Variants in GNL3L observed in about 807,000 individuals in gnomAD.
GNL3L encodes G protein nucleolar 3 like.
Under a neutral mutation model 42.9 loss-of-function variants are expected in GNL3L, and 4 were observed. That is an observed-to-expected ratio of 0.09 (90% CI 0.05 to 0.21). The LOEUF (loss-of-function observed/expected upper bound fraction) is 0.21, where lower values mean the gene tolerates loss of function less well. Among genes scored for constraint, GNL3L ranks in the 10% least tolerant of loss-of-function variants. The pLI is 1.00. For synonymous variants in GNL3L, 159 were observed against 176.3 expected, an observed-to-expected ratio of 0.90 and a Z score of 0.78; for missense variants, 412 against 481.7, an observed-to-expected ratio of 0.86 and a Z score of 1.36.
chrX:54,617,189 T>C (rs1435012132), intron 16 of GNL3L, among the ~76,000 whole-genome samples: 1 of 112,029 alleles, frequency 8.9e-6, no homozygotes, highest in Non-Finnish European at 1.9e-5. Context: ...AATTATCCCT[T>C]TCTTTTCAGA....
chrX:54,550,539 C>A (rs1392262703), intron 9 of GNL3L, among the ~76,000 whole-genome samples: 1 of 111,242 alleles, frequency 9.0e-6, no homozygotes, highest in Admixed American at 9.6e-5. Flanking sequence ...ATACACACCT[C>A]AGGTAGACAG....
chrX:54,586,728 A>T (rs773343353), intron 16 of GNL3L, among the ~76,000 whole-genome samples: 1 of 111,988 alleles, frequency 8.9e-6, no homozygotes, highest in Non-Finnish European at 1.9e-5. Flanking sequence ...TACATACCAC[A>T]GACAGCATCT....
downstream of GNL3L, among the ~76,000 whole-genome samples, chrX:54,623,790 TA>T (rs1569542744): frequency 5.9e-3 from 657 of 112,231 alleles, 6 homozygotes; most frequent in African/African-American, 0.021. Context: ...ATTATTTTTT[TA>T]ATTTCCATTT....
intron 2 of GNL3L, among the ~76,000 whole-genome samples, chrX:54,535,371 C>G (rs915322232): frequency 1.8e-5 from 2 of 111,570 alleles, no homozygotes; most frequent in Non-Finnish European, 3.8e-5. Context: ...CCCACCTCAG[C>G]CTCCCAAAGT....
chrX:54,600,119 T>C (rs1277146018), intron 16 of GNL3L, among the ~76,000 whole-genome samples: 1 of 109,025 alleles, frequency 9.2e-6, no homozygotes, highest in East Asian at 2.8e-4. Flanking sequence ...TTATTTCTGG[T>C]TCTTGTTATG....
chrX:54,588,203 T>A (rs1273403237), intron 16 of GNL3L, among the ~76,000 whole-genome samples: 1 of 112,048 alleles, frequency 8.9e-6, no homozygotes, highest in Admixed American at 9.5e-5. Flanking sequence ...GTCTCTTATT[T>A]CTTTTTCTTG....
In GNL3L at chrX:54,544,278, G is replaced by A. The variant is rs774695195; in HGVS notation, c.582G>A (p.Leu194=). The A allele has an allele frequency of 5.8e-5, 69 of 1,191,979 alleles. No homozygotes were observed. Among genetic ancestry groups the A allele is most frequent in the Non-Finnish European group, 7.7e-5 (68 of 880,038 alleles). ...EKWLDYLRNE[L]PTVAFKASTQ... Reference sequence around the variant, plus strand: ...GGCTGGATTACCTTCGGAATGAGTTGCCAACCGTGGCTTTCAAGGCCAGTA... The same window carrying A: ...GGCTGGATTACCTTCGGAATGAGTTACCAACCGTGGCTTTCAAGGCCAGTA... Residue 194 remains leucine, a synonymous_variant, in exon 8 of 16, where the codon TTG becomes TTA. Transcript: ENST00000360845.
intron 16 of GNL3L, among the ~76,000 whole-genome samples, chrX:54,610,175 G>A (rs1487497386): frequency 1.8e-5 from 2 of 111,620 alleles, no homozygotes; most frequent in Non-Finnish European, 3.8e-5. Context: ...ATATAGCAGA[G>A]CTATTGATTT....
chrX:54,533,258 CTTGGGAGGCTGA>C (rs1367484288), intron 2 of GNL3L, among the ~76,000 whole-genome samples: 1 of 108,987 alleles, frequency 9.2e-6, no homozygotes, highest in African/African-American at 3.3e-5. Flanking sequence ...ATGCCAGCTG[CTTGGGAGGCTGA>C]GGCAGGAGAA....
chrX:54,639,806 AG>A, the GNL3L span, among the ~76,000 whole-genome samples: 1 of 111,654 alleles, frequency 9.0e-6, no homozygotes, highest in Non-Finnish European at 1.9e-5. Context: ...TGCAGCTCAC[AG>A]CCGGAGTGAG....
At position 54,552,282 on chromosome X, in the gene GNL3L, C is replaced by G. The variant is rs371327344; in HGVS notation, c.1182-10C>G. ...ACAGCACCACTCATCTCCCCTATCT[C>G]CCAATGCAGCGGGAAGATCAGCTTC... On this transcript the variant is annotated splice_polypyrimidine_tract_variant and intron_variant, in intron 12 of 15. Coordinates refer to ENST00000360845, the MANE Select transcript of GNL3L (RefSeq NM_001184819.2). The G allele has an allele frequency of 2.5e-6, 3 of 1,204,699 alleles. No individual in the cohort carries two copies. In the African/African-American group the frequency reaches 5.2e-5, roughly 21 times the overall value.
intron 16 of GNL3L, among the ~76,000 whole-genome samples, chrX:54,618,418 C>T (rs765994580): frequency 9.0e-6 from 1 of 111,623 alleles, no homozygotes; most frequent in Admixed American, 9.6e-5. Context: ...CTTACGAATT[C>T]TCTCTTTTCA....
chrX:54,551,770 C>G (rs1379122364), intron 11 of GNL3L, 28 bp downstream of exon 11: 1 of 1,206,825 alleles, frequency 8.3e-7, no homozygotes, highest in Admixed American at 2.2e-5. Context: ...GGCTGATGCC[C>G]TGCCCTACTC....
At chrX:54,597,077 C>T (rs1925939806) in intron 16 of GNL3L, among the ~76,000 whole-genome samples, 1 of 111,059 alleles carries the variant, frequency 9.0e-6, no homozygotes, top group South Asian at 3.8e-4. Flanking sequence ...GACAAAGTCC[C>T]CTTTACTTTT....
chrX:54,629,397 G>C, the GNL3L span, among the ~76,000 whole-genome samples: 1 of 111,243 alleles, frequency 9.0e-6, no homozygotes, highest in African/African-American at 3.3e-5. Flanking sequence ...GTGGGCTGTG[G>C]GTTTGTCATA....
chrX:54,619,115 T>C (rs1926256856), intron 16 of GNL3L, among the ~76,000 whole-genome samples: 1 of 111,607 alleles, frequency 9.0e-6, no homozygotes, highest in South Asian at 3.8e-4. Flanking sequence ...ATTAAGCATG[T>C]ATACCCTTTG....
chrX:54,593,802 A>G (rs775249037), intron 16 of GNL3L, among the ~76,000 whole-genome samples: 17 of 110,731 alleles, frequency 1.5e-4, no homozygotes, highest in Non-Finnish European at 2.5e-4. Flanking sequence ...TTGTGTTTCC[A>G]TTATCTTTTG....
chrX:54,642,545 AT>A, the GNL3L span, among the ~76,000 whole-genome samples: 2 of 109,204 alleles, frequency 1.8e-5, no homozygotes, highest in East Asian at 2.9e-4. Context: ...TTAAAAAAAA[AT>A]TTTTTTTCCT....
chrX:54,586,401 G>A (rs1332279055), intron 16 of GNL3L, among the ~76,000 whole-genome samples: 1 of 111,500 alleles, frequency 9.0e-6, no homozygotes, highest in Non-Finnish European at 1.9e-5. Context: ...AGCAGCAGCA[G>A]CACAGTAGCA....
Sources: gnomAD v4.1 joint callset for allele counts (sites outside exome capture counted in the v4.1 genomes callset) on GRCh38, gnomAD v4.1.1 for gene constraint, MANE v1.5 for transcripts, NCBI Gene and HGNC (gene_info 2026-07-23, HGNC 2026-07-21) for gene names.